DCDC2C: variants seen among roughly 807,000 people sequenced by gnomAD.
DCDC2C encodes doublecortin domain containing 2C, also known as doublecortin domain-containing protein 2C.
Under a neutral mutation model 45.0 loss-of-function variants are expected in DCDC2C, and 44 were observed. The observed-to-expected ratio is 0.98, with a 90% CI of 0.77 to 1.26. The LOEUF is 1.26. DCDC2C is among the 50% of genes most tolerant of loss of function. The probability of loss-of-function intolerance (pLI) is 0.00; values close to 1 mark genes in which losing one functional copy is unlikely to be tolerated. For missense variants in DCDC2C, 447 were observed against 468.9 expected, an observed-to-expected ratio of 0.95 and a Z score of 0.43; for synonymous variants, 187 against 178.8, an observed-to-expected ratio of 1.05 and a Z score of -0.37.
At chr2:3,780,377 T>C (rs1248580909) in intron 9 of DCDC2C, among the ~76,000 whole-genome samples, 1 of 152,212 alleles carries the variant, frequency 6.6e-6, no homozygotes, top group Non-Finnish European at 1.5e-5. Context: ...GAATTTGTCA[T>C]CTGTGCTTAA....
intron 10 of DCDC2C, among the ~76,000 whole-genome samples, chr2:3,798,499 C>T (rs1476770978): frequency 3.2e-4 from 46 of 145,310 alleles, no homozygotes; most frequent in East Asian, 1.0e-3. Context: ...GATTTTGCAG[C>T]GGCTGGTACC....
intron 2 of DCDC2C, among the ~76,000 whole-genome samples, chr2:3,712,457 G>T (rs968372151): frequency 1.8e-4 from 27 of 147,790 alleles, no homozygotes; most frequent in Non-Finnish European, 2.7e-4. Context: ...CTTGAGCCCA[G>T]GAATTCTAGA....
chr2:3,833,329 A>G (rs1028885140), intron 10 of DCDC2C, among the ~76,000 whole-genome samples: 4 of 152,158 alleles, frequency 2.6e-5, no homozygotes, highest in African/African-American at 9.7e-5. Flanking sequence ...TTAGGATGTC[A>G]TCATCTTTGG....
intron 10 of DCDC2C, among the ~76,000 whole-genome samples, chr2:3,843,012 C>T (rs1201891206): frequency 1.3e-5 from 2 of 152,182 alleles, no homozygotes; most frequent in Non-Finnish European, 2.9e-5. Flanking sequence ...GTCGCCATGC[C>T]CTCGTCTGTC....
chr2:3,713,356 G>C (rs1668269384), intron 2 of DCDC2C, among the ~76,000 whole-genome samples: 1 of 152,212 alleles, frequency 6.6e-6, no homozygotes, highest in Non-Finnish European at 1.5e-5. Flanking sequence ...GAGCCAGCAG[G>C]ATGGGGCACA....
intron 10 of DCDC2C, among the ~76,000 whole-genome samples, chr2:3,806,091 C>T (rs1358080707): frequency 2.0e-5 from 3 of 152,162 alleles, no homozygotes; most frequent in African/African-American, 4.8e-5. Context: ...CTGCCTTGGC[C>T]TCCCAAAGTG....
chr2:3,715,119 A>G (rs1189452901), intron 2 of DCDC2C, among the ~76,000 whole-genome samples: 4 of 152,236 alleles, frequency 2.6e-5, no homozygotes, highest in Admixed American at 2.0e-4. Context: ...AAATGGGAGC[A>G]TAATCTACAT....
intron 9 of DCDC2C, among the ~76,000 whole-genome samples, chr2:3,781,621 C>T (rs1473457001): frequency 3.9e-5 from 6 of 152,168 alleles, no homozygotes; most frequent in Non-Finnish European, 7.3e-5. Flanking sequence ...GCAATTTGGG[C>T]GGCTAATGCA....
At chr2:3,798,210 T>C (rs1455638129) in intron 10 of DCDC2C, among the ~76,000 whole-genome samples, 1 of 152,132 alleles carries the variant, frequency 6.6e-6, no homozygotes, top group Non-Finnish European at 1.5e-5. Context: ...TTTTTTCGTT[T>C]TCCATTTGCT....
At chr2:3,769,440 C>G in intron 8 of DCDC2C, 29 bp downstream of exon 8, 1 of 1,535,514 alleles carries the variant, frequency 6.5e-7, no homozygotes, top group Non-Finnish European at 8.8e-7. Flanking sequence ...ATGTCCATGC[C>G]GTCTTCACTC....
chr2:3,846,188 C>T (rs1310498156), intron 10 of DCDC2C, among the ~76,000 whole-genome samples: 1 of 151,830 alleles, frequency 6.6e-6, no homozygotes, highest in African/African-American at 2.4e-5. Flanking sequence ...CTTCCTTCTT[C>T]TTTCTTCCCC....
At chr2:3,733,124 C>T (rs1358453376) in intron 3 of DCDC2C, among the ~76,000 whole-genome samples, 3 of 152,138 alleles carry the variant, frequency 2.0e-5, no homozygotes, top group African/African-American at 7.2e-5. Flanking sequence ...AGAAAACATG[C>T]AGATCAGTGT....
At chr2:3,717,364 T>G (rs191889755) in intron 2 of DCDC2C, among the ~76,000 whole-genome samples, 1 of 152,300 alleles carries the variant, frequency 6.6e-6, no homozygotes, top group Admixed American at 6.5e-5. Flanking sequence ...GTGTTTCCTA[T>G]TCCAGAAGAT....
At chr2:3,845,866 C>T (rs755107169) in intron 10 of DCDC2C, among the ~76,000 whole-genome samples, 1 of 152,206 alleles carries the variant, frequency 6.6e-6, no homozygotes, top group African/African-American at 2.4e-5. Flanking sequence ...TTGTTGACCA[C>T]AGGGTCTTGA....
chr2:3,767,929 C>A (rs966549532), intron 7 of DCDC2C, 49 bp downstream of exon 7: 56 of 1,381,954 alleles, frequency 4.1e-5, no homozygotes, highest in South Asian at 5.4e-5. Flanking sequence ...CTTTACCAGG[C>A]TGAGAACATG....
At chr2:3,705,020 G>A (rs1668030191) in intron 1 of DCDC2C, among the ~76,000 whole-genome samples, 1 of 152,038 alleles carries the variant, frequency 6.6e-6, no homozygotes, top group Admixed American at 6.5e-5. Context: ...CTTTGTGTGG[G>A]GACATTCTTC....
chr2:3,817,483 A>G (rs1671583729), intron 10 of DCDC2C, among the ~76,000 whole-genome samples: 1 of 152,158 alleles, frequency 6.6e-6, no homozygotes, highest in Non-Finnish European at 1.5e-5. Context: ...GGCAGAAAAT[A>G]TATGCATCAG....
intron 10 of DCDC2C, among the ~76,000 whole-genome samples, chr2:3,800,454 T>A (rs564638057): frequency 6.6e-6 from 1 of 152,348 alleles, no homozygotes; most frequent in East Asian, 1.9e-4. Context: ...ACACTATCAG[T>A]TGTTTTTATA....
At chr2:3,757,882 C>T (rs1364688833) in intron 6 of DCDC2C, among the ~76,000 whole-genome samples, 2 of 152,190 alleles carry the variant, frequency 1.3e-5, no homozygotes, top group African/African-American at 4.8e-5. Context: ...GCCTATGTCT[C>T]CCCATCAACA....
Sources: gnomAD v4.1 joint callset for allele counts (sites outside exome capture counted in the v4.1 genomes callset) on GRCh38, gnomAD v4.1.1 for gene constraint, MANE v1.5 for transcripts, NCBI Gene and HGNC (gene_info 2026-07-23, HGNC 2026-07-21) for gene names.